Variants in GSDMC observed in about 807,000 individuals in gnomAD.
The protein encoded by GSDMC is gasdermin C, also known as gasdermin-C.
Under a neutral mutation model 58.0 loss-of-function variants are expected in GSDMC, and 59 were observed. That is an observed-to-expected ratio of 1.02 (90% CI 0.82 to 1.26). The LOEUF is 1.26. GSDMC is among the 50% of genes most tolerant of loss of function. The pLI is 0.00. For synonymous variants in GSDMC, 241 were observed against 220.2 expected (o/e 1.09, Z -0.83); for missense variants, 659 against 598.5 (o/e 1.10, Z -1.06).
chr8:129,715,097 A>T, the GSDMC span, among the ~76,000 whole-genome samples: 143,929 of 152,006 alleles, frequency 0.95, 68,229 homozygotes, highest in East Asian at 1. Flanking sequence ...TATATTGTAA[A>T]GCTCAGAAAA....
intron 11 of GSDMC, 137 bp downstream of exon 11, chr8:129,750,294 G>T: frequency 9.3e-7 from 1 of 1,075,140 alleles, no homozygotes; most frequent in Non-Finnish European, 1.3e-6. Context: ...ATTGTGCCCG[G>T]CACCAGAGTC....
At chr8:129,773,904 A>G (rs1347516864) in intron 3 of GSDMC, among the ~76,000 whole-genome samples, 3 of 152,170 alleles carry the variant, frequency 2.0e-5, no homozygotes, top group Admixed American at 2.0e-4. Flanking sequence ...TTCATGAAAG[A>G]AATTAAAGAA....
At chr8:129,762,054 T>G (rs1401626723) in intron 5 of GSDMC, among the ~76,000 whole-genome samples, 1 of 152,182 alleles carries the variant, frequency 6.6e-6, no homozygotes, top group Admixed American at 6.5e-5. Context: ...CTGTCACACC[T>G]AGGTATGCAA....
At chr8:129,735,760 G>T in the GSDMC span, among the ~76,000 whole-genome samples, 4 of 151,804 alleles carry the variant, frequency 2.6e-5, no homozygotes, top group Non-Finnish European at 5.9e-5. Context: ...GAGAAGCAAG[G>T]CCAAACAAAT....
intron 1 of GSDMC, among the ~76,000 whole-genome samples, chr8:129,779,235 T>A (rs998067349): frequency 2.0e-5 from 3 of 152,098 alleles, no homozygotes; most frequent in Non-Finnish European, 4.4e-5. Flanking sequence ...ATGGACTAGA[T>A]AAAGAAAACG....
chr8:129,731,837 A>G, the GSDMC span, among the ~76,000 whole-genome samples: 1 of 152,184 alleles, frequency 6.6e-6, no homozygotes, highest in East Asian at 1.9e-4. Context: ...AAAATATATG[A>G]CCAAATAGTT....
chr8:129,716,717 A>G, the GSDMC span, among the ~76,000 whole-genome samples: 2 of 152,170 alleles, frequency 1.3e-5, no homozygotes, highest in Non-Finnish European at 2.9e-5. Flanking sequence ...GAGTGCTTCC[A>G]GGTTTTGCCT....
the GSDMC span, among the ~76,000 whole-genome samples, chr8:129,738,939 C>T: frequency 1.3e-5 from 2 of 152,066 alleles, no homozygotes; most frequent in Admixed American, 1.3e-4. Flanking sequence ...AAAACTGAAA[C>T]CTTTATCAAT....
At chr8:129,723,600 G>C in the GSDMC span, among the ~76,000 whole-genome samples, 2 of 152,046 alleles carry the variant, frequency 1.3e-5, no homozygotes, top group Non-Finnish European at 2.9e-5. Flanking sequence ...GGGAAACCTA[G>C]TGAATTTTAA....
chr8:129,768,115 A>T (rs987008613), intron 3 of GSDMC, among the ~76,000 whole-genome samples: 1 of 152,198 alleles, frequency 6.6e-6, no homozygotes, highest in Non-Finnish European at 1.5e-5. Flanking sequence ...CACAGCCAGC[A>T]GTTCCACCTC....
At chr8:129,734,204 G>A in the GSDMC span, among the ~76,000 whole-genome samples, 104 of 152,288 alleles carry the variant, frequency 6.8e-4, no homozygotes, top group African/African-American at 2.5e-3. Context: ...TTTGATTGGT[G>A]TACCTGAAAG....
At chr8:129,746,820 G>A (rs2032972190), downstream of GSDMC, among the ~76,000 whole-genome samples, 1 of 152,144 alleles carries the variant, frequency 6.6e-6, no homozygotes, top group African/African-American at 2.4e-5. Flanking sequence ...TCTCTCCAAG[G>A]AATTCTTCAA....
the GSDMC span, chr8:129,730,167 A>G: frequency 9.0e-7 from 1 of 1,110,126 alleles, no homozygotes; most frequent in Non-Finnish European, 1.3e-6. Context: ...GCTGGCTATG[A>G]AAAAGTTATG....
At position 129,777,464 on chromosome 8, in the gene GSDMC, T is replaced by C. The variant is rs2034273220; in HGVS notation, c.124A>G (p.Lys42Glu). 1 of 1,613,192 alleles carries C rather than the reference T, an allele frequency of 6.2e-7. No individual in the cohort carries two copies. ...KLRQFVILRK[K>E]KDSRSSFWEQ... is the part of the protein sequence containing the mutation. ...CAAAATGATGAACGAGAATCCTTCT[T>C]CTTTCGTAATATAACAAACTGACGT... The change falls in exon 2 of 14, where the codon AAG (lysine) becomes GAG (glutamate). Residue 42 changes from lysine to glutamate, a missense_variant. By Grantham distance (56) the Lys-to-Glu change is moderately conservative (BLOSUM62 1). Transcript: ENST00000276708.
At chr8:129,716,687 T>C in the GSDMC span, among the ~76,000 whole-genome samples, 9 of 152,332 alleles carry the variant, frequency 5.9e-5, no homozygotes, top group African/African-American at 1.9e-4. Context: ...GGCATCCTTG[T>C]CTTGTGCCAG....
chr8:129,707,982 G>A, the GSDMC span, among the ~76,000 whole-genome samples: 5 of 152,074 alleles, frequency 3.3e-5, no homozygotes, highest in Admixed American at 2.0e-4. Flanking sequence ...CCCAGGCATC[G>A]TGAGTCCACC....
At chr8:129,727,423 C>G in the GSDMC span, among the ~76,000 whole-genome samples, 1 of 152,066 alleles carries the variant, frequency 6.6e-6, no homozygotes, top group Non-Finnish European at 1.5e-5. Flanking sequence ...GCAAACAGCC[C>G]CCATGACAGT....
intron 4 of GSDMC, among the ~76,000 whole-genome samples, chr8:129,764,317 T>G (rs2130459740): frequency 6.6e-6 from 1 of 152,278 alleles, no homozygotes; most frequent in Non-Finnish European, 1.5e-5. Context: ...TCTCCAGTGG[T>G]TGGGGTTTTT....
At chr8:129,711,574 G>T in the GSDMC span, among the ~76,000 whole-genome samples, 7 of 152,178 alleles carry the variant, frequency 4.6e-5, no homozygotes, top group Admixed American at 1.3e-4. Flanking sequence ...CCGTTGCAAA[G>T]AATTGCCATC....
Sources: allele counts gnomAD v4.1 joint callset (sites outside exome capture counted in the v4.1 genomes callset), GRCh38; gene constraint gnomAD v4.1.1; transcripts MANE v1.5; gene names NCBI Gene and HGNC (gene_info 2026-07-23, HGNC 2026-07-21).